The following COG4 variants were observed in gnomAD, a reference collection of about 807,000 sequenced individuals.
COG4 encodes component of oligomeric golgi complex 4, also known as conserved oligomeric Golgi complex subunit 4.
Under a neutral mutation model 95.1 loss-of-function variants are expected in COG4, and 65 were observed. The ratio of observed to expected loss-of-function variants is 0.68; its 90% CI spans 0.56 to 0.84. The LOEUF is 0.84. Ranked by LOEUF, COG4 falls within the 40% of genes least tolerant of loss-of-function variation. The probability of loss-of-function intolerance (pLI) is 0.00; values close to 1 mark genes in which losing one functional copy is unlikely to be tolerated. For missense variants in COG4, 1,045 were observed against 989.1 expected, an observed-to-expected ratio of 1.06 and a Z score of -0.76; for synonymous variants, 421 against 374.8, an observed-to-expected ratio of 1.12 and a Z score of -1.42.
intron 9 of COG4, among the ~76,000 whole-genome samples, chr16:70,498,334 T>A (rs968777480): frequency 1.3e-4 from 19 of 146,702 alleles, no homozygotes; most frequent in African/African-American, 4.7e-4. Context: ...TTTTTAACTA[T>A]TTTTTTTTTT....
intron 2 of COG4, among the ~76,000 whole-genome samples, chr16:70,517,955 G>A (rs2049859591): frequency 1.3e-5 from 2 of 149,632 alleles, no homozygotes; most frequent in African/African-American, 2.5e-5. Context: ...TTTTTGAGAC[G>A]GAGTCTTGCT....
At chr16:70,506,495 G>C (rs2049569905) in intron 8 of COG4, among the ~76,000 whole-genome samples, 1 of 149,910 alleles carries the variant, frequency 6.7e-6, no homozygotes, top group Non-Finnish European at 1.5e-5. Context: ...GGGAGGCTGA[G>C]GCAGGAGAAT....
At chr16:70,495,691 G>A (rs186273594) in intron 12 of COG4, among the ~76,000 whole-genome samples, 8 of 152,330 alleles carry the variant, frequency 5.3e-5, no homozygotes, top group African/African-American at 1.9e-4. Flanking sequence ...CAAACTGGTT[G>A]TTGCTTTGTA....
At position 70,517,730 on chromosome 16, in the gene COG4, G is replaced by T; in HGVS notation, c.265C>A (p.Gln89Lys). The T allele has an allele frequency of 1.2e-6, 2 of 1,608,662 alleles. No individual in the cohort carries two copies. The highest frequency in any genetic ancestry group is 1.7e-6 in the Non-Finnish European group (2 of 1,175,234). ...VTLHRMGPNL[Q>K]LIEGDAKQLA... Reference sequence around the variant, plus strand: ...TGCTTTGCATCTCCCTCAATCAGCTGCAGATTAGGACTGGAGAAATACATT... The same window carrying T: ...TGCTTTGCATCTCCCTCAATCAGCTTCAGATTAGGACTGGAGAAATACATT... The change falls in exon 3 of 19, where the codon CAG (glutamine) becomes AAG (lysine). Residue 89 changes from glutamine (Q) to lysine (K), a missense_variant. By Grantham distance (53) the Gln-to-Lys change is moderately conservative. Coordinates refer to ENST00000323786, the MANE Select transcript of COG4 (RefSeq NM_015386.3).
intron 13 of COG4, among the ~76,000 whole-genome samples, chr16:70,485,329 G>T (rs1304753349): frequency 6.7e-6 from 1 of 150,052 alleles, no homozygotes. Context: ...TCAGCCTCCC[G>T]AGTAGCTGGG....
In COG4 at chr16:70,483,795, T is replaced by A. The variant is rs931885460; in HGVS notation, c.1827+58A>T. Reference sequence around the variant, plus strand: ...TTGCACACGATGAGCCAGCTAACAATCTTCTCAGAGCAACACACAGGCACA... The same window carrying A: ...TTGCACACGATGAGCCAGCTAACAAACTTCTCAGAGCAACACACAGGCACA... On this transcript the variant is annotated intron_variant, in intron 14 of 18. Coordinates refer to ENST00000323786, the MANE Select transcript of COG4 (RefSeq NM_015386.3). 4 of 1,329,912 alleles carry A rather than the reference T, an allele frequency of 3.0e-6. No homozygotes were observed. In the African/African-American group the frequency reaches 5.8e-5, roughly 19 times the overall value. The allele number at this position is 1,329,912 out of a possible 1,614,324, so 82.4% of individuals were successfully genotyped here.
Position 70,523,532 on chromosome 16 carries a change from C to T in COG4, c.12G>A (p.Lys4=). Residue 4 remains lysine (K), a synonymous_variant, in exon 1 of 19, where the codon AAG becomes AAA. Transcript: ENST00000323786. The part of the protein sequence containing the change: MGT[K]MADLDSPPKL... ...TCGGAGGCGAATCAAGGTCCGCCAT[C>T]TTGGTCCCCATTCGGCACTTCCGGT... The T allele has an allele frequency of 6.2e-7, 1 of 1,613,974 alleles. No homozygotes were observed. Among genetic ancestry groups the T allele is most frequent in the South Asian group, 1.1e-5 (1 of 91,082 alleles).
chr16:70,497,150 A>C, intron 11 of COG4, 71 bp downstream of exon 11: 1 of 1,449,806 alleles, frequency 6.9e-7, no homozygotes, highest in Non-Finnish European at 9.7e-7. Flanking sequence ...CAAAGGGCAG[A>C]AACAAATGGG....
At position 70,481,836 on chromosome 16, in the gene COG4, G is replaced by T. The variant is rs1057518545; in HGVS notation, c.2034C>A (p.Ser678Arg). 3 of 1,614,004 alleles carry T rather than the reference G, an allele frequency of 1.9e-6. No homozygotes were observed. Among genetic ancestry groups the T allele is most frequent in the Non-Finnish European group, 2.5e-6 (3 of 1,179,996 alleles). The change falls in exon 17 of 19, where the codon AGC becomes AGA. Residue 678 changes from serine to arginine, a missense_variant. Transcript: ENST00000323786. ...KASLSPVIYDSLTGLMTSLVA... is the reference protein window; with the variant it reads ...KASLSPVIYDRLTGLMTSLVA... The stretch of plus-strand genomic sequence containing the variant: ...CAAGGCTAGTCATGAGGCCGGTTAG[G>T]CTGTCGTAGATGACCGGGGACAGGC...
In COG4 at chr16:70,523,481, A is replaced by G; in HGVS notation, c.63T>C (p.Ser21=). ...PPKLSGVQQP[S]EGVGGGRCSE... Reference sequence around the variant, plus strand: ...AGCAGCGGCCACCTCCCACCCCCTCAGACGGCTGCTGCACCCCTGACAGCT... The same window carrying G: ...AGCAGCGGCCACCTCCCACCCCCTCGGACGGCTGCTGCACCCCTGACAGCT... Residue 21 remains serine (S), a synonymous_variant, in exon 1 of 19, where the codon TCT becomes TCC. Transcript: ENST00000323786. The G allele has an allele frequency of 6.2e-7, 1 of 1,614,064 alleles. No homozygotes were observed. Among genetic ancestry groups the G allele is most frequent in the East Asian group, 2.2e-5 (1 of 44,872 alleles).
chr16:70,484,081 A>G (rs997973001), intron 13 of COG4, 112 bp from the exon 14 acceptor site: 1 of 827,824 alleles, frequency 1.2e-6, no homozygotes, highest in Non-Finnish European at 2.1e-6. Flanking sequence ...AAGAGCCCGG[A>G]TGGGTTTCAG....
chr16:70,520,648 A>G (rs1369172296), intron 1 of COG4, among the ~76,000 whole-genome samples: 1 of 151,658 alleles, frequency 6.6e-6, no homozygotes, highest in African/African-American at 2.4e-5. Context: ...AAAAAAAAAG[A>G]AAATACAATG....
chr16:70,513,596 A>C (rs2049757181), intron 4 of COG4, among the ~76,000 whole-genome samples: 1 of 152,216 alleles, frequency 6.6e-6, no homozygotes, highest in African/African-American at 2.4e-5. Flanking sequence ...ATATAACAAC[A>C]TACCATGATA....
chr16:70,516,497 G>A (rs371746386), intron 3 of COG4, among the ~76,000 whole-genome samples: 1 of 151,830 alleles, frequency 6.6e-6, no homozygotes, highest in South Asian at 2.1e-4. Context: ...GGGGTTTCAC[G>A]GTGTTAGCCA....
intron 7 of COG4, 94 bp downstream of exon 7, chr16:70,509,137 T>A: frequency 6.8e-7 from 1 of 1,466,804 alleles, no homozygotes; most frequent in Non-Finnish European, 9.5e-7. Flanking sequence ...TGTCTGCACC[T>A]TTTTTTTCAC....
chr16:70,507,807 A>T (rs748679036), intron 8 of COG4, among the ~76,000 whole-genome samples: 2 of 150,958 alleles, frequency 1.3e-5, no homozygotes, highest in Non-Finnish European at 3.0e-5. Flanking sequence ...GGCTGTAGTG[A>T]GCCAAGATAA....
At position 70,488,325 on chromosome 16, in the gene COG4, G is replaced by A. The variant is rs375559293; in HGVS notation, c.1710+2005C>T. ...ATTTTTGTATTTTTAGTAGAGACAG[G>A]ACTTCACCATCTTGGCCAGGCTTGA... On this transcript the variant is annotated intron_variant, in intron 13 of 18. Transcript: ENST00000323786. 2.4e-4 allele frequency among the ~76,000 whole-genome samples: 37 copies of A among 151,578 alleles called. No homozygotes were observed. The East Asian group carries it at 3.3e-3, about 14-fold the overall frequency.
intron 13 of COG4, among the ~76,000 whole-genome samples, chr16:70,486,036 C>T (rs2049126043): frequency 1.3e-5 from 2 of 152,000 alleles, no homozygotes; most frequent in South Asian, 2.1e-4. Flanking sequence ...GCTGGGACTA[C>T]AGGCGCCCAC....
At chr16:70,483,709 C>T in intron 14 of COG4, 144 bp downstream of exon 14, 2 of 766,914 alleles carry the variant, frequency 2.6e-6, no homozygotes, top group Non-Finnish European at 4.8e-6. Context: ...TCTCAAGGGA[C>T]CTGCACAACT....
Sources: allele counts gnomAD v4.1 joint callset (sites outside exome capture counted in the v4.1 genomes callset), GRCh38; gene constraint gnomAD v4.1.1; transcripts MANE v1.5; gene names NCBI Gene and HGNC (gene_info 2026-07-23, HGNC 2026-07-21).